The following PRDX2 variants were observed in gnomAD, a reference collection of about 807,000 sequenced individuals.
PRDX2 encodes the protein peroxiredoxin-2.
Under a neutral mutation model 19.8 loss-of-function variants are expected in PRDX2, and 10 were observed. That is an observed-to-expected ratio of 0.50 (90% CI 0.31 to 0.86). The LOEUF (loss-of-function observed/expected upper bound fraction) is 0.86, where lower values mean the gene tolerates loss of function less well. PRDX2 is among the 40% of genes least tolerant of loss of function. The probability of loss-of-function intolerance (pLI) is 0.04; values close to 1 mark genes in which losing one functional copy is unlikely to be tolerated. For synonymous variants in PRDX2, 118 were observed against 108.2 expected, an observed-to-expected ratio of 1.09 and a Z score of -0.56; for missense variants, 226 against 260.1, an observed-to-expected ratio of 0.87 and a Z score of 0.90.
rs573045025 is a variant in PRDX2 at position 12,800,765 on chromosome 19, C to T, written c.257+151G>A. ...GTTGTCAAATGCTAATTACTGTCATCATCCTTAAAGACTTGGGCGGCAATG... is the reference window on the plus strand; with the variant it reads ...GTTGTCAAATGCTAATTACTGTCATTATCCTTAAAGACTTGGGCGGCAATG... On this transcript the variant is annotated intron_variant, in intron 3 of 5. Transcript: ENST00000301522. The T allele has an allele frequency of 1.5e-4, 227 of 1,535,438 alleles. 2 individuals carry two copies. In the South Asian group the frequency reaches 2.6e-3, roughly 18 times the overall value.
intron 5 of PRDX2, 148 bp from the exon 6 acceptor site, chr19:12,797,314 G>A (rs996200705): frequency 1.6e-5 from 10 of 614,104 alleles, no homozygotes; most frequent in African/African-American, 3.9e-5. Flanking sequence ...TCCAAGCCCA[G>A]TTCAGTATTT....
intron 4 of PRDX2, 57 bp from the exon 5 acceptor site, chr19:12,800,046 G>C: frequency 6.2e-7 from 1 of 1,606,070 alleles, no homozygotes; most frequent in Non-Finnish European, 8.5e-7. Flanking sequence ...CAGAGACAAG[G>C]AAGGGACTAC....
intron 5 of PRDX2, among the ~76,000 whole-genome samples, chr19:12,797,656 C>CTTTCTTTCTTTT (rs1321932913): frequency 2.7e-5 from 3 of 113,062 alleles, no homozygotes; most frequent in African/African-American, 1.1e-4. Context: ...TTCTTTCTTT[C>CTTTCTTTCTTTT]TTTTTTTTTT....
chr19:12,797,190 C>T, intron 5 of PRDX2, 24 bp from the exon 6 acceptor site: 2 of 1,605,530 alleles, frequency 1.2e-6, no homozygotes, highest in Non-Finnish European at 8.5e-7. Flanking sequence ...CAAGGATGCA[C>T]ATGAAGGCTA....
At chr19:12,800,328 C>G (rs1183040190) in intron 3 of PRDX2, 29 bp from the exon 4 acceptor site, 1 of 1,601,108 alleles carries the variant, frequency 6.2e-7, no homozygotes, top group Non-Finnish European at 8.5e-7. Flanking sequence ...GAGTTGGGGC[C>G]TCAGGATGCC....
At chr19:12,800,338 C>T (rs1024673862) in intron 3 of PRDX2, 39 bp from the exon 4 acceptor site, 2 of 1,596,774 alleles carry the variant, frequency 1.3e-6, no homozygotes, top group African/African-American at 1.3e-5. Flanking sequence ...CTCAGGATGC[C>T]TGGCACAGCA....
Position 12,796,912 on chromosome 19 carries a change from G to T in PRDX2, c.*169C>A, listed in dbSNP as rs1968799199. On this transcript the variant is annotated 3_prime_UTR_variant, in exon 6 of 6. Transcript: ENST00000301522. ...GGGCGTCACTATTCAGCTTCTAGGTGGAGGCATGAGAAGGCCTTGGCCTAG... is the reference window on the plus strand; with the variant it reads ...GGGCGTCACTATTCAGCTTCTAGGTTGAGGCATGAGAAGGCCTTGGCCTAG... 1 of 625,592 alleles carries T rather than the reference G, an allele frequency of 1.6e-6. No homozygotes were observed. Among genetic ancestry groups the T allele is most frequent in the Non-Finnish European group, 2.8e-6 (1 of 359,352 alleles). The allele number at this position is 625,592 out of a possible 1,614,324, so 38.8% of individuals were successfully genotyped here. A position where few individuals can be genotyped will look rare whatever the true frequency, so the allele number is the denominator to read the frequency against.
Position 12,797,063 on chromosome 19 carries a change from C to T in PRDX2, c.*18G>A, listed in dbSNP as rs1327540787. The T allele has an allele frequency of 2.5e-6, 4 of 1,612,966 alleles. No individual in the cohort carries two copies. The highest frequency in any genetic ancestry group is 3.4e-6 in the Non-Finnish European group (4 of 1,179,664). ...AGGCACCTAGGCAGGGGCACAAGCT[C>T]ACTATCCGTTAGCCAGCCTAATTGT... On this transcript the variant is annotated 3_prime_UTR_variant, in exon 6 of 6. Coordinates refer to ENST00000301522, the MANE Select transcript of PRDX2 (RefSeq NM_005809.6).
intron 3 of PRDX2, 185 bp downstream of exon 3, chr19:12,800,731 A>C: frequency 6.6e-7 from 1 of 1,504,888 alleles, no homozygotes; most frequent in South Asian, 1.3e-5. Context: ...TCTATATACC[A>C]GGCAACTAGT....
chr19:12,800,952 C>G lies in PRDX2; in HGVS notation c.221G>C (p.Gly74Ala). The G allele has an allele frequency of 6.2e-7, 1 of 1,611,540 alleles. No homozygotes were observed. The highest frequency in any genetic ancestry group is 2.2e-5 in the East Asian group (1 of 44,860). ...GGTGAACTGAGAGTCCACCGAGACG[C>G]CCAGCACTTCACAGCCCAGCTTGCG... ...DFRKLGCEVL[G>A]VSVDSQFTHL... is the part of the protein sequence containing the mutation. Residue 74 changes from glycine to alanine, a missense_variant, in exon 3 of 6, where the codon GGC (glycine) becomes GCC (alanine). Physicochemically the swap from Gly to Ala is moderately conservative, Grantham distance 60. Transcript: ENST00000301522.
In PRDX2 at chr19:12,801,770, A is replaced by T. The variant is rs1031673880; in HGVS notation, c.-40T>A. ...TGGGCAAAGGCTAGACGCACGGACG[A>T]TCACACGCGTGGACCCGCGTTCTCA... On this transcript the variant is annotated 5_prime_UTR_variant, in exon 1 of 6. Coordinates refer to ENST00000301522, the MANE Select transcript of PRDX2 (RefSeq NM_005809.6). 1.2e-5 allele frequency: 4 copies of T among 329,596 alleles called. No homozygotes were observed. The highest frequency in any genetic ancestry group is 8.5e-5 in the African/African-American group (4 of 46,792). 20.4% of individuals were successfully genotyped at this position (329,596 alleles called of 1,614,324 possible).
In PRDX2 at chr19:12,796,903, C is replaced by T; in HGVS notation, c.*178G>A. 1 of 612,338 alleles carries T rather than the reference C, an allele frequency of 1.6e-6. No individual in the cohort carries two copies. Among genetic ancestry groups the T allele is most frequent in the Non-Finnish European group, 2.9e-6 (1 of 348,746 alleles). 37.9% of individuals were successfully genotyped at this position (612,338 alleles called of 1,614,324 possible). On this transcript the variant is annotated 3_prime_UTR_variant, in exon 6 of 6. Transcript: ENST00000301522. ...CTTGGGGGAGGGCGTCACTATTCAGCTTCTAGGTGGAGGCATGAGAAGGCC... is the reference window on the plus strand; with the variant it reads ...CTTGGGGGAGGGCGTCACTATTCAGTTTCTAGGTGGAGGCATGAGAAGGCC...
rs1365313357 is a variant in PRDX2 at position 12,801,196 on chromosome 19, A to G, written c.66T>C (p.Asp22=). The G allele has an allele frequency of 1.2e-6, 2 of 1,614,008 alleles. No homozygotes were observed. Among genetic ancestry groups the G allele is most frequent in the Non-Finnish European group, 8.5e-7 (1 of 1,180,016 alleles). Reference sequence around the variant, plus strand: ...ACAGCTTCACCTCTTTGAAGGCGCCATCAACCACCGCTGTGGCCTTGAAGT... The same window carrying G: ...ACAGCTTCACCTCTTTGAAGGCGCCGTCAACCACCGCTGTGGCCTTGAAGT... ...APDFKATAVV[D]GAFKEVKLSD... Residue 22 remains aspartate, a synonymous_variant, in exon 2 of 6, where the codon GAT becomes GAC. Transcript: ENST00000301522.
rs1968801892 is a variant in PRDX2 at position 12,797,059 on chromosome 19, A to G, written c.*22T>C. ...GCACAGGCACCTAGGCAGGGGCACA[A>G]GCTCACTATCCGTTAGCCAGCCTAA... On this transcript the variant is annotated 3_prime_UTR_variant, in exon 6 of 6. Coordinates refer to ENST00000301522, the MANE Select transcript of PRDX2 (RefSeq NM_005809.6). 6.2e-7 allele frequency: 1 copy of G among 1,612,728 alleles called. No homozygotes were observed. The highest frequency in any genetic ancestry group is 1.3e-5 in the African/African-American group (1 of 75,030).
Position 12,799,900 on chromosome 19 carries a change from C to G in PRDX2, c.470G>C (p.Arg157Pro), listed in dbSNP as rs752198513. 1 of 1,613,348 alleles carries G rather than the reference C, an allele frequency of 6.2e-7. No homozygotes were observed. Among genetic ancestry groups the G allele is most frequent in the African/African-American group, 1.3e-5 (1 of 74,868 alleles). The change falls in exon 5 of 6, where the codon CGG becomes CCG. Residue 157 changes from arginine to proline, a missense_variant. Coordinates refer to ENST00000301522, the MANE Select transcript of PRDX2 (RefSeq NM_005809.6). ...PVGRSVDEAL[R>P]LVQAFQYTDE... The stretch of plus-strand genomic sequence containing the variant: ...TGTGTACTGGAAGGCCTGGACCAGC[C>G]GCAGAGCCTCATCCACGGAGCGTCC...
chr19:12,798,905 G>C (rs10405448), intron 5 of PRDX2, among the ~76,000 whole-genome samples: 1 of 151,130 alleles, frequency 6.6e-6, no homozygotes, highest in Admixed American at 6.6e-5. Context: ...AGGTTTTTTT[G>C]TTGTTGTTGT....
intron 5 of PRDX2, among the ~76,000 whole-genome samples, chr19:12,797,852 G>T (rs1467528363): frequency 1.3e-5 from 2 of 149,698 alleles, no homozygotes; most frequent in Non-Finnish European, 3.0e-5. Flanking sequence ...CAGAGACAGG[G>T]TTTCACCATA....
intron 5 of PRDX2, among the ~76,000 whole-genome samples, chr19:12,798,992 G>T (rs1250843575): frequency 6.7e-6 from 1 of 148,806 alleles, no homozygotes; most frequent in Non-Finnish European, 1.5e-5. Flanking sequence ...ACCTCCTCCC[G>T]GGTTCAAGGG....
intron 4 of PRDX2, 30 bp downstream of exon 4, chr19:12,800,147 C>T: frequency 6.2e-7 from 1 of 1,610,408 alleles, no homozygotes; most frequent in Non-Finnish European, 8.5e-7. Context: ...GCAGGGCGCT[C>T]CCTGAGCCGG....
Sources: allele counts gnomAD v4.1 joint callset (sites outside exome capture counted in the v4.1 genomes callset), GRCh38; gene constraint gnomAD v4.1.1; transcripts MANE v1.5; gene names NCBI Gene and HGNC (gene_info 2026-07-23, HGNC 2026-07-21).